ACOT11: variants seen among roughly 807,000 people sequenced by gnomAD.
ACOT11 encodes acyl-CoA thioesterase 11, also known as acyl-coenzyme A thioesterase 11.
In ACOT11, 69 loss-of-function variants were observed where a neutral mutation model predicts 77.5. That is an observed-to-expected ratio of 0.89 (90% CI 0.73 to 1.09). ACOT11 has a LOEUF of 1.09. Ranked by LOEUF, ACOT11 falls within the 50% of genes least tolerant of loss-of-function variation. ACOT11 has a pLI of 0.00. For synonymous variants in ACOT11, 279 were observed against 313.0 expected, an observed-to-expected ratio of 0.89 and a Z score of 1.15; for missense variants, 766 against 813.7, an observed-to-expected ratio of 0.94 and a Z score of 0.71.
rs770974091 is a variant in ACOT11, at chr1:54,630,791, TG to T, written c.1692del (p.Leu565SerfsTer17). On this transcript the variant is annotated frameshift_variant, in exon 16 of 17. Coordinates refer to the ACOT11 transcript ENST00000371316. LOFTEE classifies it high-confidence loss of function. ...GGTCTCGGCAAGTGGCTTCTATTCC[TG>T]GGGGCTCGAATCCAGGTCAAAGGGT... 8 of 769,164 alleles carry T rather than the reference TG, an allele frequency of 1.0e-5. No homozygotes were observed. Among genetic ancestry groups the T allele is most frequent in the African/African-American group, 8.5e-5 (5 of 59,088 alleles). The allele number at this position is 769,164 out of a possible 1,614,324, so 47.6% of individuals were successfully genotyped here.
At chr1:54,558,710 C>G (rs140521740) in intron 1 of ACOT11, among the ~76,000 whole-genome samples, 1 of 152,326 alleles carries the variant, frequency 6.6e-6, no homozygotes, top group East Asian at 1.9e-4. Context: ...TCACTCCTCA[C>G]TCCACTTGGA....
rs908542717 is a variant in ACOT11 at position 54,609,468 on chromosome 1, T to C, written c.*356T>C. 6.2e-7 allele frequency: 1 copy of C among 1,613,632 alleles called. No individual in the cohort carries two copies. The highest frequency in any genetic ancestry group is 1.3e-5 in the African/African-American group (1 of 75,010). ...AGCCTGCCTATGGCTCCAGCTGTGC[T>C]GTGGCCCAGCAGCATGGCCTGCATC... On this transcript the variant is annotated 3_prime_UTR_variant, in exon 16 of 16. Coordinates refer to ENST00000343744, the MANE Select transcript of ACOT11 (RefSeq NM_147161.4).
At chr1:54,582,835 T>C (rs1334018304) in intron 1 of ACOT11, among the ~76,000 whole-genome samples, 1 of 152,100 alleles carries the variant, frequency 6.6e-6, no homozygotes, top group Admixed American at 6.5e-5. Context: ...TCTGCCCCTT[T>C]TGTTCTGCCC....
In ACOT11 at chr1:54,584,650, C is replaced by T. The variant is rs994699534; in HGVS notation, c.34-5C>T. ...TGTCCCCACCTGTCCCCACCTGTAC[C>T]CCAGGGCTTGGCCTCTGTGTTCTCC... On this transcript the variant is annotated splice_region_variant and splice_polypyrimidine_tract_variant and intron_variant, in intron 1 of 15. Coordinates refer to ENST00000343744, the MANE Select transcript of ACOT11 (RefSeq NM_147161.4). The surrounding 1 kb of genome is among the most constrained non-coding windows in gnomAD (Gnocchi z 6.3). The T allele has an allele frequency of 1.9e-6, 3 of 1,613,690 alleles. No homozygotes were observed. Among genetic ancestry groups the T allele is most frequent in the Admixed American group, 1.7e-5 (1 of 59,978 alleles).
chr1:54,604,275 A>T, intron 11 of ACOT11, 71 bp from the exon 12 acceptor site: 1 of 1,439,522 alleles, frequency 6.9e-7, no homozygotes. Flanking sequence ...TCTCTGGCAC[A>T]CCCTTGGCCT....
intron 12 of ACOT11, 92 bp downstream of exon 12, chr1:54,604,521 C>CAAAAAAA: frequency 8.5e-7 from 1 of 1,169,790 alleles, no homozygotes; most frequent in Admixed American, 2.1e-5. Flanking sequence ...CCACTTATGT[C>CAAAAAAA]AAAAAAAGAT....
downstream of ACOT11, among the ~76,000 whole-genome samples, chr1:54,614,286 C>G (rs1009223618): frequency 1.3e-5 from 2 of 152,178 alleles, no homozygotes; most frequent in African/African-American, 4.8e-5. Context: ...TTAGACTTCT[C>G]TAGCAGGCCA....
chr1:54,557,014 T>C (rs1210606916), intron 1 of ACOT11, among the ~76,000 whole-genome samples: 1 of 152,032 alleles, frequency 6.6e-6, no homozygotes, highest in Non-Finnish European at 1.5e-5. Flanking sequence ...CAAATGATAC[T>C]CCTGCCTCAG....
At chr1:54,601,185 G>C (rs1643958843) in intron 8 of ACOT11, 84 bp from the exon 9 acceptor site, 1 of 1,512,656 alleles carries the variant, frequency 6.6e-7, no homozygotes, top group East Asian at 2.3e-5. Context: ...GTGTGCATGT[G>C]TGTGTGTGAG....
intron 1 of ACOT11, among the ~76,000 whole-genome samples, chr1:54,559,648 A>G (rs1653397045): frequency 6.6e-6 from 1 of 151,226 alleles, no homozygotes; most frequent in African/African-American, 2.4e-5. Context: ...GTTCAATGGT[A>G]GGGTCAGTTG....
chr1:54,581,092 G>A (rs551803129), intron 1 of ACOT11, among the ~76,000 whole-genome samples: 9 of 152,346 alleles, frequency 5.9e-5, no homozygotes, highest in African/African-American at 2.2e-4. Flanking sequence ...AAAGGTCTAT[G>A]TGCTCCTAAG....
At chr1:54,620,081 A>T in intron 15 of ACOT11, 1 of 1,507,388 alleles carries the variant, frequency 6.6e-7, no homozygotes, top group East Asian at 2.3e-5. Context: ...TCATCCCATG[A>T]CCCTCCCTGG....
rs1557667347 is a variant in ACOT11 at position 54,609,162 on chromosome 1, A to G, written c.*50A>G. Reference sequence around the variant, plus strand: ...CCACTCCCACTCCATCCTGTCCCCAAGGACTCACATACAGTGCCTGGAGAA... The same window carrying G: ...CCACTCCCACTCCATCCTGTCCCCAGGGACTCACATACAGTGCCTGGAGAA... On this transcript the variant is annotated 3_prime_UTR_variant, in exon 16 of 16. Coordinates refer to ENST00000343744, the MANE Select transcript of ACOT11 (RefSeq NM_147161.4). 2.5e-6 allele frequency: 4 copies of G among 1,612,394 alleles called. No individual in the cohort carries two copies. Among genetic ancestry groups the G allele is most frequent in the South Asian group, 1.1e-5 (1 of 90,754 alleles).
chr1:54,633,672 A>G (rs1417639381), intron 16 of ACOT11, among the ~76,000 whole-genome samples: 2 of 152,224 alleles, frequency 1.3e-5, no homozygotes, highest in Non-Finnish European at 2.9e-5. Flanking sequence ...AAATTTCCAC[A>G]GTGTTACATT....
At chr1:54,581,977 A>G (rs1458131916) in intron 1 of ACOT11, among the ~76,000 whole-genome samples, 1 of 152,154 alleles carries the variant, frequency 6.6e-6, no homozygotes, top group African/African-American at 2.4e-5. Flanking sequence ...GCCTGGGGCC[A>G]CCTGCTGCTC....
At chr1:54,574,391 A>T in intron 1 of ACOT11, among the ~76,000 whole-genome samples, 1 of 152,260 alleles carries the variant, frequency 6.6e-6, no homozygotes. Context: ...CTGTCTCCCT[A>T]TCTAGACCTT....
In ACOT11 at chr1:54,594,003, C is replaced by T. The variant is rs1654806112; in HGVS notation, c.435C>T (p.Ala145=). ...AGAAGCAGTGGAATGTGTGCAAGGC[C>T]TTGGCCACCTTCGTGGCCCGCCGAG... ...CSEKQWNVCK[A]LATFVARREI... The change falls in exon 5 of 16, where the codon GCC becomes GCT. Residue 145 remains alanine (A), a synonymous_variant. Transcript: ENST00000343744. 6.2e-7 allele frequency: 1 copy of T among 1,614,154 alleles called. No individual in the cohort carries two copies.
At chr1:54,572,749 A>T (rs1457159735) in intron 1 of ACOT11, among the ~76,000 whole-genome samples, 1 of 152,210 alleles carries the variant, frequency 6.6e-6, no homozygotes, top group Non-Finnish European at 1.5e-5. Flanking sequence ...ATAGGGAAGA[A>T]CAGGCAGATT....
At chr1:54,619,289 T>G (rs1488382493) in intron 15 of ACOT11, among the ~76,000 whole-genome samples, 1 of 151,946 alleles carries the variant, frequency 6.6e-6, no homozygotes, top group Non-Finnish European at 1.5e-5. Context: ...AAGGAGAGGG[T>G]GGGGGTCAAG....
Sources: allele counts gnomAD v4.1 joint callset (sites outside exome capture counted in the v4.1 genomes callset), GRCh38; gene constraint gnomAD v4.1.1; non-coding constraint Gnocchi (gnomAD v3.1); transcripts MANE v1.5; gene names NCBI Gene and HGNC (gene_info 2026-07-23, HGNC 2026-07-21).